The following HDAC9 variants were observed in gnomAD, a reference collection of about 807,000 sequenced individuals.
HDAC9 encodes histone deacetylase 9.
Under a neutral mutation model 139.4 loss-of-function variants are expected in HDAC9, and 41 were observed. The observed-to-expected ratio is 0.29, with a 90% CI of 0.23 to 0.38. The LOEUF is 0.38. Ranked by LOEUF, HDAC9 falls within the 10% of genes least tolerant of loss-of-function variation. The pLI is 1.00. For synonymous variants in HDAC9, 517 were observed against 476.2 expected (o/e 1.09, Z -1.12); for missense variants, 1,147 against 1,297.0 (o/e 0.88, Z 1.78).
intron 2 of HDAC9, among the ~76,000 whole-genome samples, chr7:18,275,453 CTT>C (rs1796656318): frequency 6.6e-6 from 1 of 152,152 alleles, no homozygotes; most frequent in South Asian, 2.1e-4. Context: ...TTGTATTACT[CTT>C]TTTCTCAAAG....
At chr7:18,588,162 C>T (rs1397885899) in intron 3 of HDAC9, among the ~76,000 whole-genome samples, 1 of 152,156 alleles carries the variant, frequency 6.6e-6, no homozygotes, top group East Asian at 1.9e-4. Flanking sequence ...ACAGAGTTAG[C>T]TTCCTGTTGC....
chr7:18,996,095 G>A lies in HDAC9; in HGVS notation c.*33G>A. 1.3e-6 allele frequency: 2 copies of A among 1,556,444 alleles called. No homozygotes were observed. Among genetic ancestry groups the A allele is most frequent in the South Asian group, 1.2e-5 (1 of 86,852 alleles). ...AGTCCCCCTCTGATATTTCCTGTGT[G>A]TGACATCATTGTGTATCCCCCCACC... On this transcript the variant is annotated 3_prime_UTR_variant, in exon 26 of 26. Coordinates refer to ENST00000686413, the MANE Select transcript of HDAC9 (RefSeq NM_178425.4).
chr7:18,200,337 C>T (rs1028235402), intron 2 of HDAC9, among the ~76,000 whole-genome samples: 11 of 152,266 alleles, frequency 7.2e-5, no homozygotes, highest in African/African-American at 2.6e-4. Context: ...TATAAACCTC[C>T]ATTTGGAGCC....
intron 11 of HDAC9, among the ~76,000 whole-genome samples, chr7:18,659,494 G>A (rs1202502704): frequency 6.6e-6 from 1 of 152,108 alleles, no homozygotes; most frequent in East Asian, 1.9e-4. Context: ...GATAAATTAC[G>A]ATGGTATCTG....
At chr7:18,809,131 A>G (rs1793967489) in intron 17 of HDAC9, among the ~76,000 whole-genome samples, 1 of 152,120 alleles carries the variant, frequency 6.6e-6, no homozygotes, top group South Asian at 2.1e-4. Flanking sequence ...AAAACTGGAT[A>G]TCCACATGGA....
intron 11 of HDAC9, among the ~76,000 whole-genome samples, chr7:18,661,715 T>G (rs965295892): frequency 2.0e-5 from 3 of 152,170 alleles, no homozygotes; most frequent in Non-Finnish European, 2.9e-5. Flanking sequence ...ACATTTCTTT[T>G]ACAAACCATG....
intron 22 of HDAC9, among the ~76,000 whole-genome samples, chr7:18,932,856 G>GAAAGAAAGA (rs1363411944): frequency 4.9e-4 from 73 of 150,336 alleles, no homozygotes; most frequent in African/African-American, 1.8e-3. Context: ...AAAAAAGAAA[G>GAAAGAAAGA]AAAGAAAGAA....
At chr7:18,380,684 C>G (rs746180891) in intron 1 of HDAC9, among the ~76,000 whole-genome samples, 5 of 152,202 alleles carry the variant, frequency 3.3e-5, no homozygotes, top group Non-Finnish European at 7.3e-5. Flanking sequence ...TCCATTTACA[C>G]ATTGGTGTCC....
At chr7:18,925,063 A>G (rs1029438368) in intron 22 of HDAC9, among the ~76,000 whole-genome samples, 1 of 152,168 alleles carries the variant, frequency 6.6e-6, no homozygotes, top group African/African-American at 2.4e-5. Flanking sequence ...AAAAAATCGA[A>G]GTGGATCAGT....
intron 2 of HDAC9, among the ~76,000 whole-genome samples, chr7:18,243,475 A>T (rs1794323864): frequency 6.6e-6 from 1 of 152,334 alleles, no homozygotes; most frequent in African/African-American, 2.4e-5. Flanking sequence ...TCACACAGTG[A>T]TGACTTGTAG....
At chr7:18,886,584 G>A (rs1800173859) in intron 22 of HDAC9, among the ~76,000 whole-genome samples, 1 of 151,702 alleles carries the variant, frequency 6.6e-6, no homozygotes, top group African/African-American at 2.4e-5. Context: ...CATTTATTTT[G>A]TGCCACAATT....
chr7:18,997,255 T>TAGTC lies in HDAC9; in HGVS notation c.*1195_*1198dup, dbSNP rs1322166856. The TAGTC allele has an allele frequency of 1.6e-4, 24 of 151,568 alleles. No homozygotes were observed. The highest frequency in any genetic ancestry group is 5.9e-4 in the Admixed American group (9 of 15,168). 9.4% of individuals were successfully genotyped at this position (151,568 alleles called of 1,614,324 possible). ...TGTTAATGAAGGCACTGCTTATTTG[T>TAGTC]AGTCACCTTGAACTGACTTAACCTA... On this transcript the variant is annotated 3_prime_UTR_variant, in exon 26 of 26. Transcript: ENST00000686413.
intron 13 of HDAC9, among the ~76,000 whole-genome samples, chr7:18,728,842 T>A (rs1171966178): frequency 1.3e-5 from 2 of 152,238 alleles, no homozygotes; most frequent in African/African-American, 4.8e-5. Context: ...TTGGTAGGCA[T>A]CTTTAATAAG....
chr7:18,194,094 A>T (rs1790560773), intron 2 of HDAC9, among the ~76,000 whole-genome samples: 1 of 152,144 alleles, frequency 6.6e-6, no homozygotes, highest in Non-Finnish European at 1.5e-5. Flanking sequence ...AAGAAAGGAG[A>T]TGTATAAGTA....
At chr7:18,549,656 G>A (rs904113470) in intron 2 of HDAC9, among the ~76,000 whole-genome samples, 3 of 151,992 alleles carry the variant, frequency 2.0e-5, no homozygotes, top group African/African-American at 7.2e-5. Flanking sequence ...AACCATTGGG[G>A]AAAACTAGGT....
In HDAC9 at chr7:18,604,589, A is replaced by G. The variant is rs367699521; in HGVS notation, c.664+10560A>G. Among the ~76,000 whole-genome samples the G allele has an allele frequency of 3.3e-4, 50 of 151,318 alleles. 1 individual carries two copies. In the East Asian group the frequency reaches 7.6e-3, roughly 23 times the overall value. ...TTTTTTTTTTTAATTTTTAGTAGAG[A>G]CGGGTTTCACCATGTTAGCCAGGAT... On this transcript the variant is annotated intron_variant, in intron 6 of 25. Coordinates refer to ENST00000686413, the MANE Select transcript of HDAC9 (RefSeq NM_178425.4).
chr7:18,997,384 T>C lies in HDAC9; in HGVS notation c.*1322T>C, dbSNP rs950730094. On this transcript the variant is annotated 3_prime_UTR_variant, in exon 26 of 26. Transcript: ENST00000686413. ...GTTAAAAATAAAGGACATTTATTTC[T>C]GAGATAAAAAGTAACTTACTAAATA... 1 of 152,044 alleles carries C rather than the reference T, an allele frequency of 6.6e-6. No individual in the cohort carries two copies. The highest frequency in any genetic ancestry group is 1.9e-4 in the East Asian group (1 of 5,196). The allele number at this position is 152,044 out of a possible 1,614,324, so 9.4% of individuals were successfully genotyped here. A position where few individuals can be genotyped will look rare whatever the true frequency, so the allele number is the denominator to read the frequency against.
rs908432377 is a variant in HDAC9 at position 18,121,342 on chromosome 7, C to T, written c.-97+34129C>T. On this transcript the variant is annotated intron_variant, in intron 1 of 12. Coordinates refer to the HDAC9 transcript ENST00000417496. ...GGCTATACTTGCCCGTAGAGTTTTACACTTCCACAGGGTGTCGGGTTTTGT... is the reference window on the plus strand; with the variant it reads ...GGCTATACTTGCCCGTAGAGTTTTATACTTCCACAGGGTGTCGGGTTTTGT... Among the ~76,000 whole-genome samples, 11 of 152,126 alleles carry T rather than the reference C, an allele frequency of 7.2e-5. No individual in the cohort carries two copies. In the South Asian group the frequency reaches 2.3e-3, roughly 32 times the overall value.
In HDAC9 at chr7:18,688,468, A is replaced by G. The variant is rs114911301; in HGVS notation, c.1731+21992A>G. Among the ~76,000 whole-genome samples, 441 of 151,996 alleles carry G rather than the reference A, an allele frequency of 2.9e-3. 3 individuals are homozygous for G. The highest frequency in any genetic ancestry group is 0.01 in the African/African-American group (426 of 41,534). On this transcript the variant is annotated intron_variant, in intron 12 of 25. Transcript: ENST00000686413. ...TTTTCCAACCAATTATTTTAGAAATATTTTTACATATGCCCTCTATATTGC... is the reference window on the plus strand; with the variant it reads ...TTTTCCAACCAATTATTTTAGAAATGTTTTTACATATGCCCTCTATATTGC...
Sources: gnomAD v4.1 joint callset for allele counts (sites outside exome capture counted in the v4.1 genomes callset) on GRCh38, gnomAD v4.1.1 for gene constraint, MANE v1.5 for transcripts, NCBI Gene and HGNC (gene_info 2026-07-23, HGNC 2026-07-21) for gene names.